The following GRSF1 variants were observed in gnomAD, a reference collection of about 807,000 sequenced individuals.
GRSF1 encodes the protein G-rich RNA sequence binding factor 1.
In GRSF1, 50 loss-of-function variants were observed where a neutral mutation model predicts 51.1. The ratio of observed to expected loss-of-function variants is 0.98; its 90% CI spans 0.78 to 1.24. The LOEUF (loss-of-function observed/expected upper bound fraction) is 1.24. GRSF1 is among the 50% of genes most tolerant of loss of function. The probability of loss-of-function intolerance (pLI) is 0.00; values close to 1 mark genes in which losing one functional copy is unlikely to be tolerated. For missense variants in GRSF1, 700 were observed against 639.7 expected (o/e 1.09, Z -1.02); for synonymous variants, 293 against 253.3 (o/e 1.16, Z -1.49).
At position 70,817,934 on chromosome 4, in the gene GRSF1, T is replaced by C. The variant is rs970921472; in HGVS notation, c.*2953A>G. ...AGCGCAATTTGGATTGGAACTCTACTGCTGACATACATACCATTCTCCTCT... is the reference window on the plus strand; with the variant it reads ...AGCGCAATTTGGATTGGAACTCTACCGCTGACATACATACCATTCTCCTCT... On this transcript the variant is annotated 3_prime_UTR_variant, in exon 10 of 10. Coordinates refer to ENST00000254799, the MANE Select transcript of GRSF1 (RefSeq NM_002092.4). The C allele has an allele frequency of 2.0e-5, 3 of 152,252 alleles. No homozygotes were observed. The highest frequency in any genetic ancestry group is 6.5e-5 in the Admixed American group (1 of 15,282). 9.4% of individuals were successfully genotyped at this position (152,252 alleles called of 1,614,324 possible). A position where few individuals can be genotyped will look rare whatever the true frequency, so the allele number is the denominator to read the frequency against.
intron 5 of GRSF1, among the ~76,000 whole-genome samples, 164 bp downstream of exon 5, chr4:70,831,375 A>T (rs966528540): frequency 1.6e-4 from 24 of 151,748 alleles, no homozygotes; most frequent in African/African-American, 5.6e-4. Context: ...AAAAAGGAGC[A>T]GTCGAAAAAA....
upstream of GRSF1, among the ~76,000 whole-genome samples, chr4:70,840,823 G>A (rs945672355): frequency 5.3e-5 from 8 of 152,230 alleles, no homozygotes; most frequent in East Asian, 5.8e-4. Context: ...GCCGAGAGCT[G>A]TAGCACAAGT....
chr4:70,838,006 C>A (rs963896007), intron 1 of GRSF1, among the ~76,000 whole-genome samples: 1 of 151,368 alleles, frequency 6.6e-6, no homozygotes, highest in Non-Finnish European at 1.5e-5. Flanking sequence ...CAGAGGCGGG[C>A]GGATCACGAG....
rs995331721 is a variant in GRSF1, at chr4:70,818,891, G to A, written c.*1996C>T. 4.6e-5 allele frequency: 7 copies of A among 152,128 alleles called. No individual in the cohort carries two copies. The highest frequency in any genetic ancestry group is 9.7e-5 in the African/African-American group (4 of 41,426). The allele number at this position is 152,128 out of a possible 1,614,324, so 9.4% of individuals were successfully genotyped here. On this transcript the variant is annotated 3_prime_UTR_variant, in exon 10 of 10. Coordinates refer to ENST00000254799, the MANE Select transcript of GRSF1 (RefSeq NM_002092.4). ...TTCTCAAATGTGGGGAGACGGTACC[G>A]TCTTCCACTTGCATGGAAATAAGAT...
At chr4:70,825,612 T>A in intron 7 of GRSF1, 181 bp from the exon 8 acceptor site, 1 of 418,748 alleles carries the variant, frequency 2.4e-6, no homozygotes, top group East Asian at 3.5e-5. Context: ...TTTTTACTTT[T>A]TCTCAGAACT....
chr4:70,838,990 G>C (rs947696553), intron 1 of GRSF1: 1 of 444,156 alleles, frequency 2.3e-6, no homozygotes, highest in Non-Finnish European at 3.9e-6. Flanking sequence ...GCCAGCCCAC[G>C]CAACTGTGTG....
chr4:70,821,332 G>A (rs929893233), intron 9 of GRSF1, among the ~76,000 whole-genome samples: 1 of 152,168 alleles, frequency 6.6e-6, no homozygotes. Flanking sequence ...GGCTGAGGCA[G>A]GAGAATCACT....
At chr4:70,825,234 A>C (rs1733687781) in intron 8 of GRSF1, 62 bp downstream of exon 8, 1 of 1,396,306 alleles carries the variant, frequency 7.2e-7, no homozygotes, top group African/African-American at 1.4e-5. Context: ...AAAACAGAAA[A>C]AGATATTTGT....
chr4:70,830,982 A>G (rs945045015), intron 5 of GRSF1, among the ~76,000 whole-genome samples: 2 of 152,218 alleles, frequency 1.3e-5, no homozygotes, highest in African/African-American at 4.8e-5. Context: ...TGAAGCAAAT[A>G]TAACAGATGT....
chr4:70,825,485 A>T, intron 7 of GRSF1, 54 bp from the exon 8 acceptor site: 1 of 1,464,462 alleles, frequency 6.8e-7, no homozygotes, highest in Non-Finnish European at 9.3e-7. Context: ...AAACCTACCT[A>T]GAAGTCTGGT....
chr4:70,822,598 A>C (rs965124740), intron 9 of GRSF1, among the ~76,000 whole-genome samples: 13 of 7,046 alleles, frequency 1.8e-3, no homozygotes, highest in Admixed American at 9.2e-3. Context: ...AAAAAAAAAA[A>C]AAAAAAACAA....
chr4:70,835,361 C>T lies in GRSF1; in HGVS notation c.514+797G>A, dbSNP rs372042384. Among the ~76,000 whole-genome samples, 28 of 145,874 alleles carry T rather than the reference C, an allele frequency of 1.9e-4. No individual in the cohort carries two copies. The East Asian group carries it at 5.0e-3, about 26-fold the overall frequency. ...AGGAGAATGGTGTGAACCCGGGAGGCGGAGCTTGCAGTGAGCTGAGATCAT... is the reference window on the plus strand; with the variant it reads ...AGGAGAATGGTGTGAACCCGGGAGGTGGAGCTTGCAGTGAGCTGAGATCAT... On this transcript the variant is annotated intron_variant, in intron 2 of 9. Coordinates refer to ENST00000254799, the MANE Select transcript of GRSF1 (RefSeq NM_002092.4).
In GRSF1 at chr4:70,824,831, G is replaced by A. The variant is rs532740257; in HGVS notation, c.1394-463C>T. ...TAAAATGGACAAACAGGCTGGATGCGGTGGCTCATGCCTGTAATCCCGGCA... is the reference window on the plus strand; with the variant it reads ...TAAAATGGACAAACAGGCTGGATGCAGTGGCTCATGCCTGTAATCCCGGCA... On this transcript the variant is annotated intron_variant, in intron 8 of 9. Transcript: ENST00000254799. Among the ~76,000 whole-genome samples the A allele has an allele frequency of 2.6e-5, 4 of 152,220 alleles. No homozygotes were observed. In the South Asian group the frequency reaches 8.3e-4, roughly 32 times the overall value.
At chr4:70,825,056 G>A (rs1410492979) in intron 8 of GRSF1, among the ~76,000 whole-genome samples, 2 of 152,058 alleles carry the variant, frequency 1.3e-5, no homozygotes, top group East Asian at 3.8e-4. Flanking sequence ...GAGCCGAGAT[G>A]GCACCGCTGC....
At chr4:70,822,394 C>T (rs1457713379) in intron 9 of GRSF1, among the ~76,000 whole-genome samples, 2 of 151,778 alleles carry the variant, frequency 1.3e-5, no homozygotes, top group African/African-American at 4.8e-5. Context: ...ACCAGCCTGG[C>T]CAACATGGTG....
intron 5 of GRSF1, among the ~76,000 whole-genome samples, chr4:70,830,410 A>G (rs956903344): frequency 6.6e-6 from 1 of 151,020 alleles, no homozygotes; most frequent in Non-Finnish European, 1.5e-5. Flanking sequence ...ATGCCACTGC[A>G]CTCCAGCCTG....
At chr4:70,835,027 T>C (rs531073991) in intron 2 of GRSF1, among the ~76,000 whole-genome samples, 2 of 152,314 alleles carry the variant, frequency 1.3e-5, no homozygotes, top group East Asian at 3.9e-4. Flanking sequence ...CTCCCACTTG[T>C]AAGTGAAAAC....
chr4:70,843,005 C>A (rs772230945), upstream of GRSF1, among the ~76,000 whole-genome samples: 2 of 152,160 alleles, frequency 1.3e-5, no homozygotes, highest in Admixed American at 6.5e-5. Flanking sequence ...TGAGACCGCA[C>A]CACTGCACTC....
rs898911451 is a variant in GRSF1 at position 70,823,658 on chromosome 4, C to T, written c.*25+636G>A. Among the ~76,000 whole-genome samples, 6 of 151,788 alleles carry T rather than the reference C, an allele frequency of 4.0e-5. No individual in the cohort carries two copies. The East Asian group carries it at 1.2e-3, about 29-fold the overall frequency. On this transcript the variant is annotated intron_variant, in intron 9 of 9. Transcript: ENST00000254799. ...GCAAAGGCAGCAGGATCACTTAAGG[C>T]CAGAAGTTCAAGGCCAGCCTGGGCA...
Sources: gnomAD v4.1 joint callset for allele counts (sites outside exome capture counted in the v4.1 genomes callset) on GRCh38, gnomAD v4.1.1 for gene constraint, MANE v1.5 for transcripts, NCBI Gene and HGNC (gene_info 2026-07-23, HGNC 2026-07-21) for gene names.